The following RFX3 variants were observed in gnomAD, a reference collection of about 807,000 sequenced individuals.
RFX3 encodes the protein regulatory factor X3.
A neutral mutation model predicts 98.6 loss-of-function variants in RFX3; 14 were observed. The ratio of observed to expected loss-of-function variants is 0.14; its 90% confidence interval spans 0.09 to 0.22. The LOEUF (loss-of-function observed/expected upper bound fraction) is 0.22, where lower values mean the gene tolerates loss of function less well. Ranked by LOEUF, RFX3 falls within the 10% of genes least tolerant of loss-of-function variation. The probability of loss-of-function intolerance (pLI) is 1.00; values close to 1 mark genes in which losing one functional copy is unlikely to be tolerated. For missense variants in RFX3, 639 were observed against 926.9 expected, an observed-to-expected ratio of 0.69 and a Z score of 4.03; for synonymous variants, 383 against 328.4, an observed-to-expected ratio of 1.17 and a Z score of -1.80.
intron 4 of RFX3, among the ~76,000 whole-genome samples, chr9:3,320,158 T>C (rs1831092778): frequency 6.6e-6 from 1 of 152,204 alleles, no homozygotes; most frequent in African/African-American, 2.4e-5. Context: ...ATTAAGAGCT[T>C]GTCCAAAATT....
At chr9:3,430,131 G>A (rs780708406) in intron 1 of RFX3, among the ~76,000 whole-genome samples, 2 of 152,220 alleles carry the variant, frequency 1.3e-5, no homozygotes, top group Non-Finnish European at 2.9e-5. Context: ...AATTTTCAAC[G>A]AGAAAAGGGT....
intron 2 of RFX3, among the ~76,000 whole-genome samples, chr9:3,353,096 G>A (rs1835346593): frequency 3.3e-5 from 5 of 149,328 alleles, no homozygotes; most frequent in South Asian, 4.2e-4. Context: ...CTATCGCAAG[G>A]ACAAAAAACC....
chr9:3,405,637 C>A (rs1841890731), intron 1 of RFX3, among the ~76,000 whole-genome samples: 1 of 152,130 alleles, frequency 6.6e-6, no homozygotes, highest in African/African-American at 2.4e-5. Flanking sequence ...CCTTTTTTCT[C>A]AAAGAAGCTA....
chr9:3,307,745 A>G (rs2986697), intron 4 of RFX3, among the ~76,000 whole-genome samples: 19,064 of 152,208 alleles, frequency 0.13, 1,249 homozygotes, highest in Middle Eastern at 0.19. Flanking sequence ...CTAAGAATAC[A>G]GATCATTTTG....
chr9:3,286,973 A>G (rs1370641594), intron 7 of RFX3, among the ~76,000 whole-genome samples: 1 of 151,874 alleles, frequency 6.6e-6, no homozygotes, highest in Non-Finnish European at 1.5e-5. Context: ...TATTGCCGAA[A>G]ACTCCTCTGT....
At chr9:3,247,642 C>G in intron 15 of RFX3, 9 of 1,370,114 alleles carry the variant, frequency 6.6e-6, no homozygotes, top group Non-Finnish European at 8.5e-6. Flanking sequence ...TCTTGGAGAC[C>G]GGGAAAGAGT....
intron 1 of RFX3, among the ~76,000 whole-genome samples, chr9:3,485,555 G>T (rs985049531): frequency 1.3e-5 from 2 of 152,076 alleles, no homozygotes; most frequent in Admixed American, 6.6e-5. Context: ...GCTTCCCTCT[G>T]TATTTGTTAT....
chr9:3,247,469 T>C lies in RFX3; in HGVS notation c.1968+563A>G, dbSNP rs185595442. ...TTTCTGCATAAACCTCGGATGCTTA[T>C]TGTAAAACAGAATAAAGTAGAACGT... On this transcript the variant is annotated intron_variant, in intron 15 of 16. Transcript: ENST00000617270. 23 of 675,342 alleles carry C rather than the reference T, an allele frequency of 3.4e-5. No homozygotes were observed. In the East Asian group the frequency reaches 7.9e-4, roughly 23 times the overall value. 41.8% of individuals were successfully genotyped at this position (675,342 alleles called of 1,614,324 possible). A position where few individuals can be genotyped will look rare whatever the true frequency, so the allele number is the denominator to read the frequency against.
intron 1 of RFX3, among the ~76,000 whole-genome samples, chr9:3,475,772 G>C (rs1485982162): frequency 6.6e-6 from 1 of 152,222 alleles, no homozygotes; most frequent in Non-Finnish European, 1.5e-5. Flanking sequence ...CAGGCCTCCA[G>C]ATAACTGTGG....
intron 2 of RFX3, among the ~76,000 whole-genome samples, chr9:3,357,510 T>C (rs1835914717): frequency 6.6e-6 from 1 of 152,040 alleles, no homozygotes; most frequent in South Asian, 2.1e-4. Flanking sequence ...ATAAAATTTG[T>C]GGCACGCAGG....
At chr9:3,334,283 G>C (rs1043556329) in intron 3 of RFX3, among the ~76,000 whole-genome samples, 6 of 148,952 alleles carry the variant, frequency 4.0e-5, no homozygotes, top group African/African-American at 1.5e-4. Context: ...GCCTGTAGAT[G>C]ATGTACTTGC....
chr9:3,291,409 A>G (rs867602231), intron 6 of RFX3, among the ~76,000 whole-genome samples: 1 of 117,964 alleles, frequency 8.5e-6, no homozygotes, highest in Non-Finnish European at 1.9e-5. Flanking sequence ...ACAAAACAAA[A>G]CAAAACAAAA....
chr9:3,322,614 T>C, intron 4 of RFX3, among the ~76,000 whole-genome samples: 1 of 152,202 alleles, frequency 6.6e-6, no homozygotes, highest in Admixed American at 6.5e-5. Flanking sequence ...GTACCTGTAA[T>C]CCCAGTTACT....
At chr9:3,433,458 A>G (rs976261677) in intron 1 of RFX3, among the ~76,000 whole-genome samples, 2 of 152,210 alleles carry the variant, frequency 1.3e-5, no homozygotes, top group African/African-American at 4.8e-5. Context: ...GTAAGAATAC[A>G]GTACATAATA....
At chr9:3,356,117 G>T (rs141860693) in intron 2 of RFX3, among the ~76,000 whole-genome samples, 1 of 145,782 alleles carries the variant, frequency 6.9e-6, no homozygotes, top group African/African-American at 2.6e-5. Context: ...TTTCCACTTT[G>T]TGTTAAAAAT....
chr9:3,463,596 T>C (rs1327122152), intron 1 of RFX3, among the ~76,000 whole-genome samples: 1 of 151,940 alleles, frequency 6.6e-6, no homozygotes, highest in African/African-American at 2.4e-5. Flanking sequence ...TTGGAAAACA[T>C]ATCTCTGATA....
At chr9:3,270,123 AAAGG>A (rs1563833630) in intron 11 of RFX3, among the ~76,000 whole-genome samples, 1 of 69,564 alleles carries the variant, frequency 1.4e-5, no homozygotes, top group Admixed American at 1.6e-4. Flanking sequence ...AGAAAGAAAG[AAAGG>A]AAAGAAAGAA....
At chr9:3,495,924 A>G (rs1851077721) in intron 1 of RFX3, among the ~76,000 whole-genome samples, 1 of 152,118 alleles carries the variant, frequency 6.6e-6, no homozygotes, top group African/African-American at 2.4e-5. Flanking sequence ...ACAACAGAAT[A>G]TATTCAAACA....
chr9:3,268,585 C>G (rs1295233818), intron 11 of RFX3, among the ~76,000 whole-genome samples: 1 of 151,854 alleles, frequency 6.6e-6, no homozygotes, highest in Non-Finnish European at 1.5e-5. Context: ...ATCAATGCAT[C>G]TTATAATTTC....
Sources: gnomAD v4.1 joint callset for allele counts (sites outside exome capture counted in the v4.1 genomes callset) on GRCh38, gnomAD v4.1.1 for gene constraint, MANE v1.5 for transcripts, NCBI Gene and HGNC (gene_info 2026-07-23, HGNC 2026-07-21) for gene names.